DCAF10: variants seen among roughly 807,000 people sequenced by gnomAD.
DCAF10 encodes DDB1- and CUL4-associated factor 10.
In DCAF10, 19 loss-of-function variants were observed where a neutral mutation model predicts 51.9. The observed-to-expected ratio is 0.37, with a 90% CI of 0.26 to 0.54. The LOEUF (loss-of-function observed/expected upper bound fraction) is 0.54, where lower values mean the gene tolerates loss of function less well. Among genes scored for constraint, DCAF10 ranks in the 20% least tolerant of loss-of-function variants. The pLI is 0.87. For missense variants in DCAF10, 510 were observed against 730.6 expected (o/e 0.70, Z 3.48); for synonymous variants, 291 against 297.1 (o/e 0.98, Z 0.21).
intron 1 of DCAF10, among the ~76,000 whole-genome samples, chr9:37,803,477 A>G (rs979778697): frequency 5.9e-5 from 9 of 151,908 alleles, no homozygotes; most frequent in African/African-American, 1.5e-4. Flanking sequence ...TTTTATATCT[A>G]TTGTTAAATT....
intron 5 of DCAF10, 130 bp from the exon 6 acceptor site, chr9:37,859,918 A>T: frequency 9.0e-7 from 1 of 1,115,198 alleles, no homozygotes; most frequent in South Asian, 1.5e-5. Context: ...GCTCTTTAAC[A>T]TATGGTAGCA....
intron 1 of DCAF10, among the ~76,000 whole-genome samples, chr9:37,816,039 C>T (rs1464920757): frequency 6.6e-6 from 1 of 152,118 alleles, no homozygotes; most frequent in Admixed American, 6.5e-5. Flanking sequence ...AGTAATCTTT[C>T]CTCCTTGGTC....
chr9:37,804,546 G>A (rs150004700), intron 1 of DCAF10, among the ~76,000 whole-genome samples: 2,449 of 152,326 alleles, frequency 0.016, 29 homozygotes, highest in Admixed American at 0.029. Flanking sequence ...GGAGGCTGAG[G>A]TGGGTGGATC....
rs567003360 is a variant in DCAF10 at position 37,801,673 on chromosome 9, G to A, written c.539+268G>A. Reference sequence around the variant, plus strand: ...GGAGAAATGCCCGAAGCTACACAGCGGACCTGTCAGAGCCAGCCCACAACT... The same window carrying A: ...GGAGAAATGCCCGAAGCTACACAGCAGACCTGTCAGAGCCAGCCCACAACT... On this transcript the variant is annotated intron_variant, in intron 1 of 6. Coordinates refer to ENST00000377724, the MANE Select transcript of DCAF10 (RefSeq NM_024345.5). The surrounding 1 kb of genome is among the most constrained non-coding windows in gnomAD (Gnocchi z 5.5). 6.6e-6 allele frequency among the ~76,000 whole-genome samples: 1 copy of A among 152,360 alleles called. No individual in the cohort carries two copies. The highest frequency in any genetic ancestry group is 2.1e-4 in the South Asian group (1 of 4,830).
At chr9:37,840,047 A>T (rs1293768080) in intron 2 of DCAF10, among the ~76,000 whole-genome samples, 2 of 152,170 alleles carry the variant, frequency 1.3e-5, no homozygotes, top group African/African-American at 4.8e-5. Flanking sequence ...TTGGGAGCTC[A>T]GAGAATTGGT....
In DCAF10 at chr9:37,801,115, C is replaced by T. The variant is rs766654030; in HGVS notation, c.249C>T (p.Ser83=). The T allele has an allele frequency of 1.2e-5, 19 of 1,535,388 alleles. No individual in the cohort carries two copies. The highest frequency in any genetic ancestry group is 1.6e-5 in the Non-Finnish European group (18 of 1,144,868). Residue 83 remains serine (S), a synonymous_variant, in exon 1 of 7, where the codon TCC becomes TCT. Transcript: ENST00000377724. This position sits in a 1 kb window ranked among gnomAD's most constrained non-coding sequence, Gnocchi z 5.5. ...GAGCTCCGGAGTCCTCAACTGCCTC[C>T]GCCCCGGGAGAGCCGTCACCTCCCT... ...LPGAPESSTA[S]APGEPSPPSP...
At chr9:37,848,260 G>A (rs1372698893) in intron 3 of DCAF10, among the ~76,000 whole-genome samples, 1 of 152,090 alleles carries the variant, frequency 6.6e-6, no homozygotes, top group Non-Finnish European at 1.5e-5. Context: ...GCCACACAAA[G>A]ACTTGTACAT....
intron 3 of DCAF10, among the ~76,000 whole-genome samples, chr9:37,854,521 A>T (rs1306860944): frequency 2.0e-5 from 3 of 152,184 alleles, no homozygotes; most frequent in Admixed American, 2.0e-4. Flanking sequence ...TGCACTTATC[A>T]TTCCTTTGTG....
rs944069621 is a variant in DCAF10 at position 37,862,893 on chromosome 9, A to G, written c.*1385A>G. On this transcript the variant is annotated 3_prime_UTR_variant, in exon 7 of 7. Coordinates refer to ENST00000377724, the MANE Select transcript of DCAF10 (RefSeq NM_024345.5). ...TACAGAGCTTGTGAAAAGTGCAGAA[A>G]CCTGAGCCTCACCTTATGAGATTCT... The G allele has an allele frequency of 4.6e-5, 7 of 152,142 alleles. No individual in the cohort carries two copies. Among genetic ancestry groups the G allele is most frequent in the African/African-American group, 1.7e-4 (7 of 41,410 alleles). The allele number at this position is 152,142 out of a possible 1,614,324, so 9.4% of individuals were successfully genotyped here.
rs546605769 is a variant in DCAF10 at position 37,826,741 on chromosome 9, G to C, written c.653+7340G>C. ...TTTCAGAACCTAGCAGTTTTTTAGA[G>C]AGAAAAAATAGTAAGAAGCAGAATA... On this transcript the variant is annotated intron_variant, in intron 2 of 6. Coordinates refer to ENST00000377724, the MANE Select transcript of DCAF10 (RefSeq NM_024345.5). 5.3e-5 allele frequency among the ~76,000 whole-genome samples: 8 copies of C among 150,706 alleles called. No homozygotes were observed. In the South Asian group the frequency reaches 1.7e-3, roughly 32 times the overall value.
chr9:37,834,689 T>A (rs958335880), intron 2 of DCAF10, among the ~76,000 whole-genome samples: 4 of 152,230 alleles, frequency 2.6e-5, no homozygotes, highest in African/African-American at 7.2e-5. Flanking sequence ...TGTTATTTTT[T>A]AAAAACTTTT....
At chr9:37,850,826 T>TTTTATATATATA (rs1328675062) in intron 3 of DCAF10, among the ~76,000 whole-genome samples, 1 of 45,880 alleles carries the variant, frequency 2.2e-5, no homozygotes, top group Admixed American at 2.8e-4. Flanking sequence ...AGGATATATT[T>TTTTATATATATA]TATATATATA....
At chr9:37,812,096 C>A (rs1356087199) in intron 1 of DCAF10, among the ~76,000 whole-genome samples, 1 of 152,058 alleles carries the variant, frequency 6.6e-6, no homozygotes, top group Non-Finnish European at 1.5e-5. Flanking sequence ...AGGAGGATCA[C>A]TTGAATCTGG....
Position 37,801,543 on chromosome 9 carries a change from G to A in DCAF10, c.539+138G>A. 1 of 1,086,162 alleles carries A rather than the reference G, an allele frequency of 9.2e-7. No homozygotes were observed. Among genetic ancestry groups the A allele is most frequent in the Non-Finnish European group, 1.2e-6 (1 of 827,516 alleles). 67.3% of individuals were successfully genotyped at this position (1,086,162 alleles called of 1,614,324 possible). On this transcript the variant is annotated intron_variant, in intron 1 of 6. Transcript: ENST00000377724. The surrounding 1 kb of genome is among the most constrained non-coding windows in gnomAD (Gnocchi z 5.5). ...GGGGCCGCTGGCCTTCGTGCCTCCT[G>A]GCACTTTCTGAAGCGCATTCTCGCC... is the stretch of plus-strand genomic sequence containing the variant.
intron 4 of DCAF10, among the ~76,000 whole-genome samples, chr9:37,855,566 TAA>T (rs1250770372): frequency 6.6e-6 from 1 of 152,210 alleles, no homozygotes; most frequent in South Asian, 2.1e-4. Context: ...TTATGTGATT[TAA>T]AAAAGACTAT....
At chr9:37,815,580 G>C (rs1441777476) in intron 1 of DCAF10, among the ~76,000 whole-genome samples, 1 of 151,958 alleles carries the variant, frequency 6.6e-6, no homozygotes, top group Non-Finnish European at 1.5e-5. Context: ...GGGAGGCGGA[G>C]GTTGCAGTGA....
chr9:37,855,019 G>A (rs373996213), intron 4 of DCAF10, 37 bp downstream of exon 4: 11 of 1,550,772 alleles, frequency 7.1e-6, no homozygotes, highest in East Asian at 4.5e-5. Flanking sequence ...GATTTTTCTC[G>A]AGAATCTCAA....
rs1223845003 is a variant in DCAF10, at chr9:37,864,291, A to C, written c.*2783A>C. 3 of 151,866 alleles carry C rather than the reference A, an allele frequency of 2.0e-5. No individual in the cohort carries two copies. The highest frequency in any genetic ancestry group is 4.4e-5 in the Non-Finnish European group (3 of 68,056). 9.4% of individuals were successfully genotyped at this position (151,866 alleles called of 1,614,324 possible). On this transcript the variant is annotated 3_prime_UTR_variant, in exon 7 of 7. Transcript: ENST00000377724. Reference sequence around the variant, plus strand: ...ATAGAGCCAGATCCTGTCTCAAAAAATAAAAATAGACTGGGCATGGTGGCT... The same window carrying C: ...ATAGAGCCAGATCCTGTCTCAAAAACTAAAAATAGACTGGGCATGGTGGCT...
intron 2 of DCAF10, among the ~76,000 whole-genome samples, chr9:37,825,784 G>A (rs184149490): frequency 1.3e-5 from 2 of 152,074 alleles, no homozygotes; most frequent in African/African-American, 2.4e-5. Flanking sequence ...TTTGGGAGGC[G>A]GAGGCAGGCG....
Sources: gnomAD v4.1 joint callset for allele counts (sites outside exome capture counted in the v4.1 genomes callset) on GRCh38, gnomAD v4.1.1 for gene constraint, Gnocchi (gnomAD v3.1) non-coding constraint, MANE v1.5 for transcripts, NCBI Gene and HGNC (gene_info 2026-07-23, HGNC 2026-07-21) for gene names.